ZNF469: variants seen among roughly 807,000 people sequenced by gnomAD.
ZNF469 encodes the protein zinc finger protein 469.
Under a neutral mutation model 1.0 loss-of-function variants are expected in ZNF469, and 1 was observed. The observed-to-expected ratio is 1.00, with a 90% CI of 0.35 to 4.73. The LOEUF (loss-of-function observed/expected upper bound fraction) is 4.73. ZNF469 is among the 30% of genes most tolerant of loss of function. The pLI is 0.16. For synonymous variants in ZNF469, 2,703 were observed against 2,363.4 expected, an observed-to-expected ratio of 1.14 and a Z score of -4.17; for missense variants, 6,100 against 5,356.3, an observed-to-expected ratio of 1.14 and a Z score of -4.33.
the ZNF469 span, among the ~76,000 whole-genome samples, chr16:88,208,758 A>G: frequency 2.1e-5 from 3 of 144,358 alleles, no homozygotes; most frequent in South Asian, 2.3e-4. Flanking sequence ...TAATCTGTCC[A>G]TAGTAAATGC....
the ZNF469 span, among the ~76,000 whole-genome samples, chr16:88,129,340 G>A: frequency 4.6e-5 from 7 of 152,216 alleles, no homozygotes; most frequent in East Asian, 1.9e-4. Flanking sequence ...GGAGGTCCTC[G>A]GTGAGTCTTG....
At chr16:88,125,543 T>C in the ZNF469 span, among the ~76,000 whole-genome samples, 6 of 152,242 alleles carry the variant, frequency 3.9e-5, no homozygotes, top group Non-Finnish European at 8.8e-5. Flanking sequence ...ATCTTAACTC[T>C]ATCGAGTAAT....
At chr16:88,413,517 AG>A (rs1480198986) in intron 1 of ZNF469, among the ~76,000 whole-genome samples, 5 of 152,212 alleles carry the variant, frequency 3.3e-5, no homozygotes, top group African/African-American at 1.2e-4. Flanking sequence ...AGCCCTGCTC[AG>A]CCCCACTGGG....
intron 2 of ZNF469, among the ~76,000 whole-genome samples, chr16:88,426,115 G>A (rs1231851533): frequency 6.6e-6 from 1 of 152,262 alleles, no homozygotes; most frequent in East Asian, 1.9e-4. Flanking sequence ...TCAGGCCGGT[G>A]GGAGGGTCCT....
chr16:88,191,473 G>A, the ZNF469 span: 96 of 152,360 alleles, frequency 6.3e-4, no homozygotes, highest in African/African-American at 2.1e-3. Context: ...AAATTGACAC[G>A]ATGAGCTCGG....
the ZNF469 span, among the ~76,000 whole-genome samples, chr16:88,266,865 C>T: frequency 1.3e-5 from 2 of 152,228 alleles, no homozygotes; most frequent in African/African-American, 4.8e-5. Context: ...CCCCTGCCTT[C>T]CGAAGGCAGT....
At chr16:88,106,470 C>T in the ZNF469 span, among the ~76,000 whole-genome samples, 1 of 152,222 alleles carries the variant, frequency 6.6e-6, no homozygotes, top group African/African-American at 2.4e-5. Context: ...CAACCTCCTG[C>T]CTAATTTTCT....
intron 1 of ZNF469, among the ~76,000 whole-genome samples, chr16:88,393,204 G>T (rs957693296): frequency 6.6e-6 from 1 of 152,264 alleles, no homozygotes; most frequent in Non-Finnish European, 1.5e-5. Context: ...GCCCTGGAGT[G>T]CCCTCCCAGC....
At chr16:88,151,381 C>G in the ZNF469 span, among the ~76,000 whole-genome samples, 1 of 152,232 alleles carries the variant, frequency 6.6e-6, no homozygotes, top group South Asian at 2.1e-4. This position sits in a 1 kb window ranked among gnomAD's most constrained non-coding sequence, Gnocchi z 5.4. Flanking sequence ...CCGGGGAGCG[C>G]TGGGCGGCTG....
At chr16:88,398,241 C>G (rs1904746428) in intron 1 of ZNF469, among the ~76,000 whole-genome samples, 1 of 119,674 alleles carries the variant, frequency 8.4e-6, no homozygotes, top group Admixed American at 7.7e-5. Context: ...GTGTTCAGGC[C>G]ACACACGCAA....
At chr16:88,400,479 G>A (rs1043208692) in intron 1 of ZNF469, among the ~76,000 whole-genome samples, 12 of 152,352 alleles carry the variant, frequency 7.9e-5, no homozygotes, top group African/African-American at 2.9e-4. Flanking sequence ...CAGTCCCAGA[G>A]CTGCTGTGGG....
At chr16:88,248,366 G>C in the ZNF469 span, among the ~76,000 whole-genome samples, 1 of 152,118 alleles carries the variant, frequency 6.6e-6, no homozygotes, top group Non-Finnish European at 1.5e-5. Context: ...AGACATTCGG[G>C]GACTGAAATA....
the ZNF469 span, among the ~76,000 whole-genome samples, chr16:88,204,493 GT>G: frequency 6.6e-6 from 1 of 152,226 alleles, no homozygotes. Flanking sequence ...GGCCCTCCTC[GT>G]CCCTCTTCGT....
chr16:88,129,544 A>G, the ZNF469 span, among the ~76,000 whole-genome samples: 1 of 152,214 alleles, frequency 6.6e-6, no homozygotes, highest in African/African-American at 2.4e-5. Flanking sequence ...TCAGTAGGTG[A>G]TAAATATATT....
At chr16:88,106,514 A>C in the ZNF469 span, among the ~76,000 whole-genome samples, 1 of 152,254 alleles carries the variant, frequency 6.6e-6, no homozygotes. Flanking sequence ...AAACCGATTC[A>C]GAGGGCAAAT....
At chr16:88,260,844 G>A in the ZNF469 span, among the ~76,000 whole-genome samples, 4,472 of 152,062 alleles carry the variant, frequency 0.029, 207 homozygotes, top group African/African-American at 0.1. The surrounding 1 kb of genome is among the most constrained non-coding windows in gnomAD (Gnocchi z 4.1). Context: ...GTGGGGCGGC[G>A]TCTGATGGCA....
At chr16:88,304,211 T>G in the ZNF469 span, among the ~76,000 whole-genome samples, 2 of 152,244 alleles carry the variant, frequency 1.3e-5, no homozygotes, top group Admixed American at 6.5e-5. Context: ...TTCACAGCCC[T>G]TTATCTTATC....
At chr16:88,386,330 A>G (rs886066243) in intron 1 of ZNF469, among the ~76,000 whole-genome samples, 1 of 151,960 alleles carries the variant, frequency 6.6e-6, no homozygotes. Context: ...TCATGGGTTC[A>G]TCTCAGGATG....
chr16:88,387,701 C>T (rs902975373), intron 1 of ZNF469, among the ~76,000 whole-genome samples: 1 of 152,136 alleles, frequency 6.6e-6, no homozygotes, highest in African/African-American at 2.4e-5. Context: ...GAGGAGAGCC[C>T]GCAGGCCAGG....
Sources: allele counts gnomAD v4.1 joint callset (sites outside exome capture counted in the v4.1 genomes callset), GRCh38; gene constraint gnomAD v4.1.1; non-coding constraint Gnocchi (gnomAD v3.1); transcripts MANE v1.5; gene names NCBI Gene and HGNC (gene_info 2026-07-23, HGNC 2026-07-21).